The following EPHB1 variants were observed in gnomAD, a reference collection of about 807,000 sequenced individuals.
The protein encoded by EPHB1 is ephrin type-B receptor 1.
In EPHB1, 30 loss-of-function variants were observed where a neutral mutation model predicts 94.4. That is an observed-to-expected ratio of 0.32 (90% CI 0.24 to 0.43). The LOEUF is 0.43. EPHB1 is among the 20% of genes least tolerant of loss of function. The pLI, the probability that EPHB1 is intolerant of heterozygous loss-of-function variation, is 1.00. For synonymous variants in EPHB1, 522 were observed against 489.1 expected, an observed-to-expected ratio of 1.07 and a Z score of -0.89; for missense variants, 1,055 against 1,308.3, an observed-to-expected ratio of 0.81 and a Z score of 2.99.
chr3:135,142,789 G>A (rs1023056079), intron 5 of EPHB1, among the ~76,000 whole-genome samples: 1 of 152,156 alleles, frequency 6.6e-6, no homozygotes, highest in Non-Finnish European at 1.5e-5. Context: ...ACACAGGAGG[G>A]CAAGGCTCAG....
In EPHB1 at chr3:135,165,955, C is replaced by A; in HGVS notation, c.1586-13C>A. 1 of 1,610,918 alleles carries A rather than the reference C, an allele frequency of 6.2e-7. No individual in the cohort carries two copies. Among genetic ancestry groups the A allele is most frequent in the Non-Finnish European group, 8.5e-7 (1 of 1,177,134 alleles). On this transcript the variant is annotated splice_polypyrimidine_tract_variant and intron_variant, in intron 7 of 15. Transcript: ENST00000398015. ...GCACATGGGGAGGATTCTAATGCCTCTTTCTCACCTAGATGATTACAAGTC... is the reference window on the plus strand; with the variant it reads ...GCACATGGGGAGGATTCTAATGCCTATTTCTCACCTAGATGATTACAAGTC...
intron 5 of EPHB1, among the ~76,000 whole-genome samples, chr3:135,133,562 TATG>T (rs1940503163): frequency 6.6e-6 from 1 of 152,258 alleles, no homozygotes; most frequent in Admixed American, 6.5e-5. Context: ...CCAGAGATCA[TATG>T]ATAAAATCAA....
chr3:135,204,557 G>A (rs555458776), intron 12 of EPHB1, among the ~76,000 whole-genome samples: 4 of 151,872 alleles, frequency 2.6e-5, no homozygotes, highest in African/African-American at 9.7e-5. Context: ...CTGGAGGGCA[G>A]TGGTGCGATC....
Position 134,827,072 on chromosome 3 carries a change from C to T in EPHB1, c.58+31383C>T, listed in dbSNP as rs1337829081. Among the ~76,000 whole-genome samples the T allele has an allele frequency of 2.0e-5, 3 of 152,240 alleles. No individual in the cohort carries two copies. In the East Asian group the frequency reaches 5.8e-4, roughly 29 times the overall value. On this transcript the variant is annotated intron_variant, in intron 1 of 15. Transcript: ENST00000398015. ...GCTCAGAATGCTGCAGCATCTCCTG[C>T]ATCAAGTACAAACACCACAGATTCC...
chr3:135,249,760 T>TTTAAG (rs1312094785), intron 15 of EPHB1, among the ~76,000 whole-genome samples: 1 of 152,206 alleles, frequency 6.6e-6, no homozygotes, highest in African/African-American at 2.4e-5. Flanking sequence ...CTCTTCCCCA[T>TTTAAG]TTAAGTTTTT....
intron 4 of EPHB1, among the ~76,000 whole-genome samples, chr3:135,112,205 T>C (rs1939475017): frequency 6.6e-6 from 1 of 152,096 alleles, no homozygotes; most frequent in African/African-American, 2.4e-5. Flanking sequence ...CCAGTGTAAA[T>C]GGGTGATGGG....
At chr3:135,192,521 T>C (rs1942487504) in intron 10 of EPHB1, 55 bp from the exon 11 acceptor site, 2 of 1,589,488 alleles carry the variant, frequency 1.3e-6, no homozygotes, top group African/African-American at 1.3e-5. Flanking sequence ...GACTTCCCTC[T>C]TGAGTCCACA....
intron 3 of EPHB1, among the ~76,000 whole-genome samples, chr3:135,064,961 C>T (rs574440156): frequency 1.3e-5 from 2 of 152,216 alleles, no homozygotes; most frequent in South Asian, 4.1e-4. Context: ...TTGTTTTTGA[C>T]CCAATGCTCA....
chr3:134,862,662 T>C (rs6439527), intron 1 of EPHB1, among the ~76,000 whole-genome samples: 145,849 of 152,160 alleles, frequency 0.96, 70,204 homozygotes, highest in Middle Eastern at 1. Context: ...CAGCCTTGGT[T>C]GCCGTGTGGC....
intron 12 of EPHB1, among the ~76,000 whole-genome samples, chr3:135,222,105 C>T (rs1460889232): frequency 6.6e-6 from 1 of 151,590 alleles, no homozygotes; most frequent in Non-Finnish European, 1.5e-5. Flanking sequence ...TGGCTCTGCT[C>T]CTAACATATT....
chr3:135,164,574 C>G (rs1002958433), intron 7 of EPHB1, among the ~76,000 whole-genome samples: 95 of 151,952 alleles, frequency 6.3e-4, no homozygotes, highest in African/African-American at 2.2e-3. Context: ...TTTGGGAGGC[C>G]GAGACAGGTG....
At chr3:134,947,815 G>C (rs1480543833) in intron 2 of EPHB1, among the ~76,000 whole-genome samples, 1 of 152,028 alleles carries the variant, frequency 6.6e-6, no homozygotes, top group African/African-American at 2.4e-5. Context: ...ATTTTTTTGA[G>C]ACAGAGTCTT....
intron 1 of EPHB1, among the ~76,000 whole-genome samples, chr3:134,836,438 A>G (rs1295828681): frequency 6.6e-6 from 1 of 152,236 alleles, no homozygotes; most frequent in Admixed American, 6.5e-5. Flanking sequence ...AATTTAATGT[A>G]TTAACGCAAA....
At chr3:134,995,777 GC>G (rs1934968424) in intron 3 of EPHB1, among the ~76,000 whole-genome samples, 1 of 148,194 alleles carries the variant, frequency 6.7e-6, no homozygotes, top group Non-Finnish European at 1.5e-5. Flanking sequence ...ATGTGACCCA[GC>G]AATTGAAGTC....
intron 10 of EPHB1, among the ~76,000 whole-genome samples, chr3:135,182,175 G>A (rs778351748): frequency 2.6e-5 from 4 of 152,168 alleles, no homozygotes; most frequent in Non-Finnish European, 5.9e-5. Context: ...CTGCCCCACT[G>A]AGGCTGACTC....
chr3:134,993,286 C>T (rs1288554658), intron 3 of EPHB1, among the ~76,000 whole-genome samples: 2 of 152,228 alleles, frequency 1.3e-5, no homozygotes, highest in African/African-American at 4.8e-5. Flanking sequence ...AGATAGATCT[C>T]ATCCTGGCCT....
chr3:134,940,124 T>TAA (rs10662332), intron 2 of EPHB1, among the ~76,000 whole-genome samples: 18,687 of 152,076 alleles, frequency 0.12, 1,250 homozygotes, highest in African/African-American at 0.15. Flanking sequence ...GGAGAGGGAG[T>TAA]TTAGCCTTTT....
At chr3:135,005,913 T>C (rs924019832) in intron 3 of EPHB1, among the ~76,000 whole-genome samples, 2 of 152,326 alleles carry the variant, frequency 1.3e-5, no homozygotes, top group African/African-American at 4.8e-5. Context: ...AGAAATCACC[T>C]GTCTTCTGTG....
intron 3 of EPHB1, among the ~76,000 whole-genome samples, chr3:134,978,634 C>G (rs144183391): frequency 6.6e-6 from 1 of 152,338 alleles, no homozygotes; most frequent in East Asian, 1.9e-4. Flanking sequence ...TTCAGCCTTA[C>G]TAAGCCTTCC....
Sources: allele counts gnomAD v4.1 joint callset (sites outside exome capture counted in the v4.1 genomes callset), GRCh38; gene constraint gnomAD v4.1.1; transcripts MANE v1.5; gene names NCBI Gene and HGNC (gene_info 2026-07-23, HGNC 2026-07-21).